LINGO2: variants seen among roughly 807,000 people sequenced by gnomAD.
LINGO2 encodes leucine-rich repeat and immunoglobulin-like domain-containing nogo receptor-interacting protein 2.
In LINGO2, 14 loss-of-function variants were observed where a neutral mutation model predicts 30.6. The observed-to-expected ratio is 0.46, with a 90% confidence interval of 0.30 to 0.72. The LOEUF (loss-of-function observed/expected upper bound fraction) is 0.72. Among genes scored for constraint, LINGO2 ranks in the 30% least tolerant of loss-of-function variants. LINGO2 has a pLI of 0.07. For synonymous variants in LINGO2, 317 were observed against 288.5 expected (o/e 1.10, Z -1.00); for missense variants, 729 against 751.7 (o/e 0.97, Z 0.35).
intron 1 of LINGO2, among the ~76,000 whole-genome samples, chr9:28,555,779 C>T (rs1200108846): frequency 1.3e-5 from 2 of 152,136 alleles, no homozygotes; most frequent in African/African-American, 4.8e-5. Flanking sequence ...TCCAGCAGCA[C>T]ATCAAAAAGC....
the LINGO2 span, among the ~76,000 whole-genome samples, chr9:29,010,872 A>G: frequency 6.6e-6 from 1 of 151,796 alleles, no homozygotes; most frequent in Non-Finnish European, 1.5e-5. Flanking sequence ...ACAGAGCAAG[A>G]CTCTGTCTCA....
chr9:28,857,195 T>C, the LINGO2 span, among the ~76,000 whole-genome samples: 2 of 151,874 alleles, frequency 1.3e-5, no homozygotes, highest in Non-Finnish European at 1.5e-5. Context: ...GAGAAGAGAA[T>C]TGAAGCCCTT....
At chr9:28,004,324 G>T (rs185286145) in intron 5 of LINGO2, among the ~76,000 whole-genome samples, 1 of 152,180 alleles carries the variant, frequency 6.6e-6, no homozygotes, top group Admixed American at 6.5e-5. Context: ...ACAGTAGCCT[G>T]TTAGTTCATT....
chr9:28,224,762 T>C (rs1329619896), intron 4 of LINGO2, among the ~76,000 whole-genome samples: 1 of 152,110 alleles, frequency 6.6e-6, no homozygotes, highest in Non-Finnish European at 1.5e-5. Context: ...TTCACAAAGA[T>C]AGAATGAAGT....
intron 3 of LINGO2, among the ~76,000 whole-genome samples, chr9:28,299,972 A>AT (rs929184138): frequency 1.1e-4 from 17 of 152,012 alleles, no homozygotes; most frequent in Admixed American, 6.6e-4. Flanking sequence ...AATTCACTTG[A>AT]TTTTTTTTGT....
At chr9:28,156,445 T>C (rs1214401287) in intron 4 of LINGO2, among the ~76,000 whole-genome samples, 2 of 152,244 alleles carry the variant, frequency 1.3e-5, no homozygotes, top group Non-Finnish European at 2.9e-5. Context: ...ACTGAATATC[T>C]ACATCCAATC....
In LINGO2 at chr9:28,072,261, T is replaced by G. The variant is rs139384272; in HGVS notation, c.-86-59856A>C. Reference sequence around the variant, plus strand: ...AAAGCTACTTCTCTATTCTGCATTCTGAGACCTGTCCTCTCTTAAGAAAAT... The same window carrying G: ...AAAGCTACTTCTCTATTCTGCATTCGGAGACCTGTCCTCTCTTAAGAAAAT... On this transcript the variant is annotated intron_variant, in intron 4 of 5. Transcript: ENST00000379992. 2.1e-3 allele frequency among the ~76,000 whole-genome samples: 320 copies of G among 152,362 alleles called. 2 individuals are homozygous for G. The highest frequency in any genetic ancestry group is 7.1e-3 in the African/African-American group (296 of 41,590).
chr9:29,054,491 C>T, the LINGO2 span, among the ~76,000 whole-genome samples: 1 of 152,108 alleles, frequency 6.6e-6, no homozygotes, highest in Non-Finnish European at 1.5e-5. Context: ...GAATTGTTTT[C>T]CTACTTTCAT....
chr9:28,379,921 A>G (rs931181444), intron 2 of LINGO2, among the ~76,000 whole-genome samples: 42 of 152,230 alleles, frequency 2.8e-4, no homozygotes, highest in African/African-American at 9.6e-4. Context: ...CATTTTAGCT[A>G]GAGAAATTTG....
chr9:29,084,822 T>A, the LINGO2 span, among the ~76,000 whole-genome samples: 2 of 152,000 alleles, frequency 1.3e-5, no homozygotes, highest in Non-Finnish European at 2.9e-5. Context: ...ATTTTCCTAC[T>A]AAATTATAGG....
chr9:28,322,217 A>T (rs1825069166), intron 3 of LINGO2, among the ~76,000 whole-genome samples: 2 of 152,168 alleles, frequency 1.3e-5, no homozygotes, highest in African/African-American at 4.8e-5. Flanking sequence ...CATTTCATGG[A>T]TGAATCCTTC....
the LINGO2 span, among the ~76,000 whole-genome samples, chr9:28,823,898 T>C: frequency 6.6e-6 from 1 of 152,182 alleles, no homozygotes; most frequent in South Asian, 2.1e-4. Context: ...GGTATATATA[T>C]TGACTTCAGT....
intron 2 of LINGO2, among the ~76,000 whole-genome samples, chr9:28,472,457 G>A (rs1232937760): frequency 6.6e-6 from 1 of 151,662 alleles, no homozygotes; most frequent in Admixed American, 6.6e-5. Context: ...ATAGAAGCAT[G>A]AGAAATTAAA....
chr9:28,738,708 G>T, the LINGO2 span, among the ~76,000 whole-genome samples: 592 of 152,070 alleles, frequency 3.9e-3, 2 homozygotes, highest in African/African-American at 0.013. Flanking sequence ...TATGAAACAT[G>T]TTGGTTTATT....
At chr9:29,065,829 CAGAATGCTGT>C in the LINGO2 span, among the ~76,000 whole-genome samples, 4 of 151,966 alleles carry the variant, frequency 2.6e-5, no homozygotes, top group African/African-American at 9.7e-5. Context: ...AAATCATCCT[CAGAATGCTGT>C]AGAAATGTTC....
the LINGO2 span, among the ~76,000 whole-genome samples, chr9:29,153,049 T>G: frequency 3.6e-3 from 554 of 152,214 alleles, 7 homozygotes; most frequent in African/African-American, 0.013. Context: ...TAGTGGTTAT[T>G]TAATAAATAT....
intron 4 of LINGO2, among the ~76,000 whole-genome samples, chr9:28,049,965 GCAGCAAGGT>G (rs1428876901): frequency 1.3e-5 from 2 of 150,840 alleles, no homozygotes; most frequent in African/African-American, 2.5e-5. Flanking sequence ...GCCAAGCCTG[GCAGCAAGGT>G]CAGTTTGTGG....
intron 4 of LINGO2, among the ~76,000 whole-genome samples, chr9:28,117,336 A>G (rs1169926630): frequency 2.8e-5 from 4 of 142,474 alleles, no homozygotes; most frequent in African/African-American, 1.0e-4. Flanking sequence ...GGGACATTTA[A>G]GTCTGCAGAG....
At chr9:28,852,350 T>G in the LINGO2 span, among the ~76,000 whole-genome samples, 1 of 152,018 alleles carries the variant, frequency 6.6e-6, no homozygotes, top group Non-Finnish European at 1.5e-5. Context: ...AAGGCTTGAG[T>G]GTGCATTTTC....
Sources: gnomAD v4.1 joint callset for allele counts (sites outside exome capture counted in the v4.1 genomes callset) on GRCh38, gnomAD v4.1.1 for gene constraint, MANE v1.5 for transcripts, NCBI Gene and HGNC (gene_info 2026-07-23, HGNC 2026-07-21) for gene names.